The following PPP1R9A variants were observed in gnomAD, a reference collection of about 807,000 sequenced individuals.
PPP1R9A encodes protein phosphatase 1 regulatory subunit 9A, also known as neurabin-1.
PPP1R9A carries 59 observed loss-of-function variants against 141.9 expected under a neutral mutation model. That is an observed-to-expected ratio of 0.42 (90% CI 0.34 to 0.52). The LOEUF (loss-of-function observed/expected upper bound fraction) is 0.52, where lower values mean the gene tolerates loss of function less well. Ranked by LOEUF, PPP1R9A falls within the 20% of genes least tolerant of loss-of-function variation. The pLI is 0.10. For missense variants in PPP1R9A, 1,444 were observed against 1,611.9 expected (o/e 0.90, Z 1.78); for synonymous variants, 500 against 569.7 (o/e 0.88, Z 1.74).
At chr7:94,957,066 A>G (rs1330807335) in intron 2 of PPP1R9A, among the ~76,000 whole-genome samples, 1 of 152,230 alleles carries the variant, frequency 6.6e-6, no homozygotes. Context: ...GTTCTCTGCC[A>G]TAATTTCACA....
intron 2 of PPP1R9A, among the ~76,000 whole-genome samples, chr7:94,996,131 A>G (rs1428140657): frequency 6.6e-6 from 1 of 152,154 alleles, no homozygotes; most frequent in Non-Finnish European, 1.5e-5. Context: ...TTGGGGAAAA[A>G]AATGTACCTT....
At chr7:95,251,527 A>G (rs1350241901) in intron 10 of PPP1R9A, among the ~76,000 whole-genome samples, 2 of 152,218 alleles carry the variant, frequency 1.3e-5, no homozygotes, top group African/African-American at 4.8e-5. Flanking sequence ...TTCTAGAATC[A>G]GGAGCTACGA....
rs749274916 is a variant in PPP1R9A at position 95,226,063 on chromosome 7, A to C, written c.2059A>C (p.Met687Leu). 6.2e-7 allele frequency: 1 copy of C among 1,613,662 alleles called. No homozygotes were observed. The highest frequency in any genetic ancestry group is 1.1e-5 in the South Asian group (1 of 91,062). The change falls in exon 8 of 20, where the codon ATG (methionine) becomes CTG (leucine). Residue 687 changes from methionine (M) to leucine (L), a missense_variant. By Grantham distance (15) the Met-to-Leu change is conservative. Transcript: ENST00000433360. ...EVFELPENED[M>L]FSPSELDTSK... ...CTTTGAGCTGCCTGAGAATGAGGAC[A>C]TGTTTTCCCCATCAGAACTGGACAC...
Position 95,288,732 on chromosome 7 carries a change from T to C in PPP1R9A, c.3912+14T>C. 1 of 1,612,250 alleles carries C rather than the reference T, an allele frequency of 6.2e-7. No homozygotes were observed. Among genetic ancestry groups the C allele is most frequent in the Non-Finnish European group, 8.5e-7 (1 of 1,179,034 alleles). ...AATAAACTTAAGGTAAAGAATTATA[T>C]GTCTGTCTTAGGTTACCAGGTATAA... On this transcript the variant is annotated intron_variant, in intron 19 of 19. Coordinates refer to ENST00000433360, the MANE Select transcript of PPP1R9A (RefSeq NM_001166160.2).
At chr7:94,911,935 T>C (rs998831085) in intron 2 of PPP1R9A, among the ~76,000 whole-genome samples, 13 of 152,172 alleles carry the variant, frequency 8.5e-5, no homozygotes, top group Admixed American at 3.9e-4. Flanking sequence ...GTTTTGGTAA[T>C]CTGGGAATAA....
chr7:95,051,032 C>T (rs1233836958), intron 2 of PPP1R9A, among the ~76,000 whole-genome samples: 1 of 152,072 alleles, frequency 6.6e-6, no homozygotes, highest in Non-Finnish European at 1.5e-5. Flanking sequence ...TCATCACTAT[C>T]CAGAGTTATC....
At chr7:95,286,393 G>A in intron 18 of PPP1R9A, 68 bp downstream of exon 18, 2 of 1,583,986 alleles carry the variant, frequency 1.3e-6, no homozygotes, top group East Asian at 2.3e-5. Flanking sequence ...ACCATCACCA[G>A]GAAAATGTTT....
intron 2 of PPP1R9A, among the ~76,000 whole-genome samples, chr7:95,090,614 C>G (rs1817215360): frequency 6.6e-6 from 1 of 151,740 alleles, no homozygotes; most frequent in African/African-American, 2.4e-5. Flanking sequence ...TTCTGACCAG[C>G]CTGGTCAACA....
chr7:95,001,396 T>C (rs973085426), intron 2 of PPP1R9A, among the ~76,000 whole-genome samples: 2 of 152,200 alleles, frequency 1.3e-5, no homozygotes, highest in African/African-American at 4.8e-5. Context: ...ATAACCATGA[T>C]GGTGATAAGC....
chr7:95,093,303 C>T (rs1817603573), intron 2 of PPP1R9A, among the ~76,000 whole-genome samples: 1 of 152,098 alleles, frequency 6.6e-6, no homozygotes. Flanking sequence ...ATAGGTGCTG[C>T]ACTCAAGGCT....
chr7:95,251,904 G>T (rs756397085), intron 11 of PPP1R9A, 46 bp downstream of exon 11: 12 of 1,608,768 alleles, frequency 7.5e-6, no homozygotes, highest in Non-Finnish European at 9.3e-6. Context: ...TGGTTTTGCT[G>T]TACTTGGAGG....
At chr7:95,202,168 T>C (rs978514757) in intron 6 of PPP1R9A, among the ~76,000 whole-genome samples, 2 of 152,202 alleles carry the variant, frequency 1.3e-5, no homozygotes, top group Non-Finnish European at 2.9e-5. Flanking sequence ...TTCAATGCTT[T>C]AGGAAATTAT....
At chr7:94,985,772 A>G (rs1584122478) in intron 2 of PPP1R9A, among the ~76,000 whole-genome samples, 2 of 152,050 alleles carry the variant, frequency 1.3e-5, no homozygotes, top group African/African-American at 4.8e-5. Context: ...GATTGAGGGC[A>G]CTTGCCCCAA....
At chr7:95,111,225 T>A in intron 2 of PPP1R9A, 34 bp from the exon 3 acceptor site, 1 of 1,524,164 alleles carries the variant, frequency 6.6e-7, no homozygotes, top group Non-Finnish European at 8.8e-7. Context: ...TTTTTTTTTT[T>A]CTGTATTATC....
intron 12 of PPP1R9A, among the ~76,000 whole-genome samples, chr7:95,254,909 A>T (rs1563508154): frequency 6.6e-6 from 1 of 152,190 alleles, no homozygotes; most frequent in Non-Finnish European, 1.5e-5. Context: ...ACTAAAACCT[A>T]AGCCAACTCA....
At chr7:95,077,730 T>C (rs1273168743) in intron 2 of PPP1R9A, among the ~76,000 whole-genome samples, 1 of 152,186 alleles carries the variant, frequency 6.6e-6, no homozygotes, top group Non-Finnish European at 1.5e-5. Context: ...GATTCAGATT[T>C]AAATAACATC....
rs116359880 is a variant in PPP1R9A, at chr7:95,020,085, A to C, written c.1396-91174A>C. 5.1e-3 allele frequency among the ~76,000 whole-genome samples: 781 copies of C among 152,250 alleles called. 2 individuals carry two copies. Among genetic ancestry groups the C allele is most frequent in the African/African-American group, 0.018 (747 of 41,546 alleles). On this transcript the variant is annotated intron_variant, in intron 2 of 19. Coordinates refer to ENST00000433360, the MANE Select transcript of PPP1R9A (RefSeq NM_001166160.2). ...ATCATCATCATTGATGAATTTCAAA[A>C]TAATTACCCTTAAAGAAGCCAGACC...
At chr7:95,137,716 C>T (rs1381628690) in intron 4 of PPP1R9A, among the ~76,000 whole-genome samples, 1 of 151,962 alleles carries the variant, frequency 6.6e-6, no homozygotes, top group African/African-American at 2.4e-5. Context: ...GAGAAATTGA[C>T]AAGATTGTTC....
At chr7:95,211,543 T>G (rs1336966678) in intron 7 of PPP1R9A, among the ~76,000 whole-genome samples, 1 of 152,204 alleles carries the variant, frequency 6.6e-6, no homozygotes, top group Non-Finnish European at 1.5e-5. Context: ...ACATGGCCAC[T>G]CTGCTCAATA....
Sources: gnomAD v4.1 joint callset for allele counts (sites outside exome capture counted in the v4.1 genomes callset) on GRCh38, gnomAD v4.1.1 for gene constraint, MANE v1.5 for transcripts, NCBI Gene and HGNC (gene_info 2026-07-23, HGNC 2026-07-21) for gene names.